SNTG1: variants seen among roughly 807,000 people sequenced by gnomAD.
The protein encoded by SNTG1 is syntrophin gamma 1, also known as gamma-1-syntrophin.
Under a neutral mutation model 74.7 loss-of-function variants are expected in SNTG1, and 39 were observed. The ratio of observed to expected loss-of-function variants is 0.52; its 90% confidence interval spans 0.40 to 0.68. SNTG1 has a LOEUF of 0.68. SNTG1 is among the 30% of genes least tolerant of loss of function. The pLI is 0.00. For missense variants in SNTG1, 685 were observed against 609.5 expected (o/e 1.12, Z -1.30); for synonymous variants, 254 against 217.1 (o/e 1.17, Z -1.49).
At chr8:50,471,198 C>T (rs1337384456) in intron 8 of SNTG1, among the ~76,000 whole-genome samples, 1 of 151,782 alleles carries the variant, frequency 6.6e-6, no homozygotes, top group Non-Finnish European at 1.5e-5. Context: ...GTCCAGGTGT[C>T]AGCCGTGGTA....
chr8:50,092,600 C>A (rs2079780396), intron 1 of SNTG1, among the ~76,000 whole-genome samples: 1 of 152,158 alleles, frequency 6.6e-6, no homozygotes, highest in South Asian at 2.1e-4. Flanking sequence ...GACACTTCCA[C>A]CCCATTTTCC....
In SNTG1 at chr8:50,175,290, C is replaced by T. The variant is rs560606841; in HGVS notation, c.-28+2655C>T. Among the ~76,000 whole-genome samples, 38 of 152,246 alleles carry T rather than the reference C, an allele frequency of 2.5e-4. No homozygotes were observed. The South Asian group carries it at 3.1e-3, about 12-fold the overall frequency. ...CTAGATCCCTGAGGAATCGCCACAC[C>T]GAAGCAGCAGCGAGTGATCTAGAAC... On this transcript the variant is annotated intron_variant, in intron 2 of 18. Coordinates refer to ENST00000642720, the MANE Select transcript of SNTG1 (RefSeq NM_018967.5).
intron 8 of SNTG1, among the ~76,000 whole-genome samples, chr8:50,460,640 ACATC>A (rs2093552475): frequency 6.6e-6 from 1 of 152,102 alleles, no homozygotes; most frequent in Non-Finnish European, 1.5e-5. Context: ...ACTCTTTGAT[ACATC>A]TTGAGTTAAT....
At chr8:50,656,216 G>A (rs1342145322) in intron 13 of SNTG1, among the ~76,000 whole-genome samples, 2 of 152,156 alleles carry the variant, frequency 1.3e-5, no homozygotes, top group East Asian at 3.9e-4. Flanking sequence ...TTTGTTAAGT[G>A]TTTGTGTATA....
chr8:50,296,855 T>A (rs1393250731), intron 2 of SNTG1, among the ~76,000 whole-genome samples: 1 of 152,164 alleles, frequency 6.6e-6, no homozygotes, highest in African/African-American at 2.4e-5. Context: ...GGGCATTACA[T>A]CACATTTGAG....
intron 2 of SNTG1, among the ~76,000 whole-genome samples, chr8:50,282,048 G>T (rs2840054): frequency 0.52 from 79,363 of 151,932 alleles, 23,744 homozygotes; most frequent in East Asian, 0.83. Context: ...AAGGGCATCA[G>T]CCTAATGGCT....
At chr8:49,935,341 G>C (rs755806526) in intron 1 of SNTG1, among the ~76,000 whole-genome samples, 3 of 150,624 alleles carry the variant, frequency 2.0e-5, no homozygotes, top group Non-Finnish European at 4.4e-5. Context: ...GCATGTCTTA[G>C]GGGATTCCCA....
At chr8:49,957,426 T>C (rs1669444730) in intron 1 of SNTG1, among the ~76,000 whole-genome samples, 1 of 152,212 alleles carries the variant, frequency 6.6e-6, no homozygotes, top group Non-Finnish European at 1.5e-5. Flanking sequence ...TTTACTTCAT[T>C]ATTGCTGTAC....
intron 2 of SNTG1, among the ~76,000 whole-genome samples, chr8:50,276,810 A>C (rs2088139251): frequency 6.6e-6 from 1 of 152,122 alleles, no homozygotes; most frequent in Non-Finnish European, 1.5e-5. Flanking sequence ...AAAGTAAAAA[A>C]TTAGTTGAGC....
intron 2 of SNTG1, among the ~76,000 whole-genome samples, chr8:50,189,816 A>C (rs2083502801): frequency 6.6e-6 from 1 of 152,214 alleles, no homozygotes; most frequent in Admixed American, 6.6e-5. Context: ...TTTTCAAAAA[A>C]CTATAAAAAT....
intron 4 of SNTG1, among the ~76,000 whole-genome samples, chr8:50,429,876 C>T (rs904101909): frequency 9.9e-5 from 15 of 152,004 alleles, no homozygotes; most frequent in African/African-American, 3.6e-4. Context: ...GAACAAAGTG[C>T]CATCAGGGAA....
intron 1 of SNTG1, among the ~76,000 whole-genome samples, chr8:49,923,447 G>A (rs1327361100): frequency 6.6e-6 from 1 of 152,022 alleles, no homozygotes; most frequent in Non-Finnish European, 1.5e-5. Flanking sequence ...CTTCTGAGGA[G>A]AATTAACAAA....
chr8:50,599,724 G>GT (rs1033806224), intron 13 of SNTG1, among the ~76,000 whole-genome samples: 2 of 151,980 alleles, frequency 1.3e-5, no homozygotes, highest in African/African-American at 4.8e-5. Context: ...AGTTCTAATA[G>GT]TTTTTTGGTG....
chr8:50,431,844 C>T (rs1317471251), intron 4 of SNTG1, among the ~76,000 whole-genome samples: 1 of 152,068 alleles, frequency 6.6e-6, no homozygotes, highest in Non-Finnish European at 1.5e-5. Flanking sequence ...TAAGTGTTTG[C>T]TCAAATACTT....
intron 1 of SNTG1, among the ~76,000 whole-genome samples, chr8:50,029,050 T>C (rs935351224): frequency 2.0e-5 from 3 of 152,114 alleles, no homozygotes; most frequent in Non-Finnish European, 4.4e-5. Flanking sequence ...AAGATTTGAA[T>C]TTTTTTCCAA....
chr8:50,700,471 C>T (rs771817032), intron 15 of SNTG1, among the ~76,000 whole-genome samples: 3 of 152,082 alleles, frequency 2.0e-5, no homozygotes, highest in Admixed American at 6.6e-5. Context: ...AAAGTTTCTC[C>T]TCCTCCCACC....
rs7812551 is a variant in SNTG1 at position 50,399,364 on chromosome 8, T to C, written c.28-2846T>C. On this transcript the variant is annotated intron_variant, in intron 3 of 18. Coordinates refer to ENST00000642720, the MANE Select transcript of SNTG1 (RefSeq NM_018967.5). ...ACTATCTAATAATTTGTGAACATTT[T>C]ACATAGTATTTAAGTGAATGATAGC... 5.0e-3 allele frequency among the ~76,000 whole-genome samples: 759 copies of C among 152,348 alleles called. 8 individuals are homozygous for C. The highest frequency in any genetic ancestry group is 0.017 in the African/African-American group (726 of 41,582).
chr8:50,053,724 T>C (rs1318442037), intron 1 of SNTG1, among the ~76,000 whole-genome samples: 3 of 149,598 alleles, frequency 2.0e-5, no homozygotes, highest in Non-Finnish European at 4.4e-5. Context: ...TCCAAATTAG[T>C]AACACATGAA....
chr8:50,217,295 C>A (rs2084837010), intron 2 of SNTG1, among the ~76,000 whole-genome samples: 1 of 151,792 alleles, frequency 6.6e-6, no homozygotes, highest in Non-Finnish European at 1.5e-5. Flanking sequence ...CCACCTTGGC[C>A]TATGATGAAA....
Sources: gnomAD v4.1 joint callset for allele counts (sites outside exome capture counted in the v4.1 genomes callset) on GRCh38, gnomAD v4.1.1 for gene constraint, MANE v1.5 for transcripts, NCBI Gene and HGNC (gene_info 2026-07-23, HGNC 2026-07-21) for gene names.